The following FRMD4A variants were observed in gnomAD, a reference collection of about 807,000 sequenced individuals.
FRMD4A encodes the protein FERM domain-containing protein 4A.
FRMD4A carries 29 observed loss-of-function variants against 129.1 expected under a neutral mutation model. That is an observed-to-expected ratio of 0.22 (90% CI 0.17 to 0.31). The LOEUF (loss-of-function observed/expected upper bound fraction) is 0.31. Ranked by LOEUF, FRMD4A falls within the 10% of genes least tolerant of loss-of-function variation. The pLI, the probability that FRMD4A is intolerant of heterozygous loss-of-function variation, is 1.00. For synonymous variants in FRMD4A, 634 were observed against 571.6 expected, an observed-to-expected ratio of 1.11 and a Z score of -1.56; for missense variants, 1,272 against 1,375.8, an observed-to-expected ratio of 0.92 and a Z score of 1.19.
rs145577440 is a variant in FRMD4A, at chr10:13,748,252, T to C, written c.465-433A>G. Among the ~76,000 whole-genome samples, 28 of 152,252 alleles carry C rather than the reference T, an allele frequency of 1.8e-4. 2 individuals are homozygous for C. Among genetic ancestry groups the C allele is most frequent in the African/African-American group, 6.7e-4 (28 of 41,544 alleles). ...CCGAGAATGGGCAATGGCGCCACTG[T>C]CTCCCTAAGAGCATTTGCGCTGCTA... On this transcript the variant is annotated intron_variant, in intron 8 of 24. Coordinates refer to ENST00000357447, the MANE Select transcript of FRMD4A (RefSeq NM_018027.5).
At chr10:14,246,349 A>G (rs1844235502) in intron 2 of FRMD4A, among the ~76,000 whole-genome samples, 1 of 151,090 alleles carries the variant, frequency 6.6e-6, no homozygotes, top group African/African-American at 2.4e-5. Flanking sequence ...CACAGATCCA[A>G]GAAGTGGTAG....
intron 2 of FRMD4A, among the ~76,000 whole-genome samples, chr10:13,902,958 A>T (rs925817951): frequency 6.6e-6 from 1 of 152,042 alleles, no homozygotes; most frequent in Non-Finnish European, 1.5e-5. Flanking sequence ...TTACATTTTT[A>T]ACAGATTCCA....
intron 2 of FRMD4A, among the ~76,000 whole-genome samples, chr10:14,056,451 T>A (rs1426780827): frequency 6.6e-6 from 1 of 152,016 alleles, no homozygotes; most frequent in African/African-American, 2.4e-5. Flanking sequence ...AGTTGCAGCC[T>A]CTGTCCCAGC....
At chr10:13,965,104 G>A (rs1424470483) in intron 2 of FRMD4A, among the ~76,000 whole-genome samples, 1 of 147,342 alleles carries the variant, frequency 6.8e-6, no homozygotes. Context: ...GGAGAAGAAT[G>A]GTCAGGATAT....
At chr10:14,100,871 A>G (rs1837266080) in intron 2 of FRMD4A, among the ~76,000 whole-genome samples, 2 of 152,202 alleles carry the variant, frequency 1.3e-5, no homozygotes, top group African/African-American at 4.8e-5. Context: ...ACTCTGAACT[A>G]GAAGTTTTGA....
At chr10:13,658,547 A>G (rs2134662147) in intron 21 of FRMD4A, among the ~76,000 whole-genome samples, 1 of 152,340 alleles carries the variant, frequency 6.6e-6, no homozygotes, top group African/African-American at 2.4e-5. Flanking sequence ...GAAAGCCCCC[A>G]TCACGTGGCC....
At chr10:13,800,197 C>CAA (rs2093222756) in intron 4 of FRMD4A, among the ~76,000 whole-genome samples, 1 of 151,914 alleles carries the variant, frequency 6.6e-6, no homozygotes, top group Non-Finnish European at 1.5e-5. Flanking sequence ...ACAAAACAAA[C>CAA]AAACAAAAAA....
At chr10:14,287,571 C>T (rs1468178561) in intron 2 of FRMD4A, among the ~76,000 whole-genome samples, 2 of 152,182 alleles carry the variant, frequency 1.3e-5, no homozygotes, top group East Asian at 3.9e-4. Context: ...GAAAAGGAGA[C>T]TGCACCCAAC....
At chr10:14,050,526 T>C (rs1216147596) in intron 2 of FRMD4A, among the ~76,000 whole-genome samples, 3 of 152,126 alleles carry the variant, frequency 2.0e-5, no homozygotes, top group Non-Finnish European at 4.4e-5. Context: ...GCTAGTAAGA[T>C]TGGCTCATAA....
intron 2 of FRMD4A, among the ~76,000 whole-genome samples, chr10:13,899,081 G>T (rs577175807): frequency 6.6e-6 from 1 of 152,102 alleles, no homozygotes; most frequent in Admixed American, 6.6e-5. Flanking sequence ...GGGAGGATGC[G>T]GTGGGAGGAT....
chr10:13,991,265 T>C (rs2095602271), intron 2 of FRMD4A, among the ~76,000 whole-genome samples: 1 of 152,188 alleles, frequency 6.6e-6, no homozygotes, highest in Admixed American at 6.5e-5. Context: ...GCTTCCAACA[T>C]CCTGGTGGGA....
intron 2 of FRMD4A, among the ~76,000 whole-genome samples, chr10:14,094,265 A>G (rs1836820352): frequency 6.6e-6 from 1 of 152,224 alleles, no homozygotes; most frequent in South Asian, 2.1e-4. Context: ...GCAGATGTTA[A>G]GGGCTTGGTA....
At chr10:13,946,825 T>A (rs2095335469) in intron 2 of FRMD4A, among the ~76,000 whole-genome samples, 2 of 152,210 alleles carry the variant, frequency 1.3e-5, no homozygotes, top group South Asian at 4.1e-4. Context: ...TATCTCTCGA[T>A]GCCTGTCCTA....
At chr10:14,236,760 C>A (rs1843831101) in intron 2 of FRMD4A, among the ~76,000 whole-genome samples, 1 of 152,128 alleles carries the variant, frequency 6.6e-6, no homozygotes, top group Non-Finnish European at 1.5e-5. Flanking sequence ...AACAGATTAA[C>A]AAACAAATAA....
chr10:14,287,534 T>C (rs954482299), intron 2 of FRMD4A, among the ~76,000 whole-genome samples: 4 of 152,094 alleles, frequency 2.6e-5, no homozygotes, highest in Non-Finnish European at 4.4e-5. Flanking sequence ...ATCTTTAGGA[T>C]CCAAAGAGTA....
rs2130874575 is a variant in FRMD4A at position 13,810,927 on chromosome 10, GGAA to G, written c.112-22_112-20del. On this transcript the variant is annotated intron_variant, in intron 3 of 24. Transcript: ENST00000357447. ...GCTTGGGCTGCAAGAAGAATACAAT[GGAA>G]GAAGGGTAAGTGATGAGAGACTGCT... 1 of 1,333,852 alleles carries G rather than the reference GGAA, an allele frequency of 7.5e-7. No individual in the cohort carries two copies. Among genetic ancestry groups the G allele is most frequent in the East Asian group, 2.3e-5 (1 of 43,246 alleles). 82.6% of individuals were successfully genotyped at this position (1,333,852 alleles called of 1,614,324 possible).
In FRMD4A at chr10:13,959,944, G is replaced by A. The variant is rs59497202; in HGVS notation, c.46-101032C>T. 9.5e-3 allele frequency among the ~76,000 whole-genome samples: 1,448 copies of A among 152,308 alleles called. 27 individuals carry two copies. Among genetic ancestry groups the A allele is most frequent in the African/African-American group, 0.033 (1,368 of 41,562 alleles). ...TATTTGGCCCAGACCAGTAGATGCC[G>A]TGGAAAAGGCACCGTGGCTGCCCCA... On this transcript the variant is annotated intron_variant, in intron 2 of 24. Transcript: ENST00000357447.
intron 2 of FRMD4A, among the ~76,000 whole-genome samples, chr10:14,152,117 CTTTTTTTTTTT>C (rs36023583): frequency 1.8e-5 from 1 of 54,112 alleles, no homozygotes; most frequent in Non-Finnish European, 3.4e-5. Flanking sequence ...TTGTGTAGTG[CTTTTTTTTTTT>C]TTTTTTTTTT....
At chr10:13,679,426 C>CAAAAAA (rs1184269199) in intron 15 of FRMD4A, among the ~76,000 whole-genome samples, 1 of 8,602 alleles carries the variant, frequency 1.2e-4, no homozygotes, top group Non-Finnish European at 2.0e-4. Flanking sequence ...GACTCTGTCT[C>CAAAAAA]AAAAAAAAAA....
Sources: gnomAD v4.1 joint callset for allele counts (sites outside exome capture counted in the v4.1 genomes callset) on GRCh38, gnomAD v4.1.1 for gene constraint, MANE v1.5 for transcripts, NCBI Gene and HGNC (gene_info 2026-07-23, HGNC 2026-07-21) for gene names.